The following GRID2 variants were observed in gnomAD, a reference collection of about 807,000 sequenced individuals.
GRID2 encodes the protein glutamate receptor ionotropic, delta-2.
In GRID2, 33 loss-of-function variants were observed where a neutral mutation model predicts 114.8. The ratio of observed to expected loss-of-function variants is 0.29; its 90% CI spans 0.22 to 0.38. The LOEUF (loss-of-function observed/expected upper bound fraction) is 0.38. GRID2 is among the 10% of genes least tolerant of loss of function. The pLI is 1.00. For missense variants in GRID2, 1,184 were observed against 1,257.7 expected, an observed-to-expected ratio of 0.94 and a Z score of 0.89; for synonymous variants, 505 against 449.9, an observed-to-expected ratio of 1.12 and a Z score of -1.55.
intron 2 of GRID2, among the ~76,000 whole-genome samples, chr4:92,913,851 C>A (rs1312555421): frequency 6.6e-6 from 1 of 151,938 alleles, no homozygotes; most frequent in African/African-American, 2.4e-5. Flanking sequence ...AAGGAAATTC[C>A]TCTTCCCTCA....
At chr4:93,308,121 A>G (rs560011442) in intron 8 of GRID2, among the ~76,000 whole-genome samples, 1 of 152,284 alleles carries the variant, frequency 6.6e-6, no homozygotes, top group East Asian at 1.9e-4. Context: ...AATAGCCATA[A>G]TAACAAAAAT....
chr4:93,130,864 A>G (rs1734732878), intron 4 of GRID2, among the ~76,000 whole-genome samples: 1 of 152,186 alleles, frequency 6.6e-6, no homozygotes, highest in Non-Finnish European at 1.5e-5. Flanking sequence ...AGTTGTAGAC[A>G]TCTTATAACT....
intron 11 of GRID2, among the ~76,000 whole-genome samples, chr4:93,459,180 CAAAAAAA>C (rs57937928): frequency 6.0e-5 from 3 of 50,028 alleles, no homozygotes; most frequent in Admixed American, 3.6e-4. Context: ...AACTCCATCT[CAAAAAAA>C]AAAAAAAAAA....
At position 92,617,335 on chromosome 4, in the gene GRID2, C is replaced by T. The variant is rs141587787; in HGVS notation, c.244+27049C>T. On this transcript the variant is annotated intron_variant, in intron 2 of 15. Transcript: ENST00000282020. ...AACCCGTCATCTAGCTTTTAAGCCC[C>T]GCATGTATTAGGTATTTGTCCTAAT... is the stretch of plus-strand genomic sequence containing the variant. Among the ~76,000 whole-genome samples the T allele has an allele frequency of 4.9e-3, 736 of 151,484 alleles. 8 individuals carry two copies. The highest frequency in any genetic ancestry group is 0.015 in the African/African-American group (638 of 41,392).
intron 8 of GRID2, among the ~76,000 whole-genome samples, chr4:93,306,827 ATGACT>A (rs1057399514): frequency 2.0e-4 from 30 of 152,288 alleles, no homozygotes; most frequent in South Asian, 1.4e-3. Flanking sequence ...TTCCAAACCA[ATGACT>A]TCTTGGTAAC....
intron 14 of GRID2, among the ~76,000 whole-genome samples, chr4:93,671,685 C>T (rs1255087461): frequency 6.6e-6 from 1 of 151,842 alleles, no homozygotes; most frequent in Non-Finnish European, 1.5e-5. Flanking sequence ...TAAAATGAAC[C>T]AGGTTGGGCG....
At chr4:93,727,175 A>C (rs551631304) in intron 14 of GRID2, among the ~76,000 whole-genome samples, 15 of 152,232 alleles carry the variant, frequency 9.9e-5, no homozygotes, top group African/African-American at 3.4e-4. Context: ...TACCTAATTT[A>C]TTGAGAGTTT....
intron 1 of GRID2, among the ~76,000 whole-genome samples, chr4:92,474,228 T>C (rs1324080976): frequency 1.3e-5 from 2 of 152,054 alleles, no homozygotes; most frequent in African/African-American, 4.8e-5. Context: ...TATATGAATT[T>C]GGATTTTTTA....
intron 2 of GRID2, among the ~76,000 whole-genome samples, chr4:92,794,793 A>G (rs1176091016): frequency 6.6e-6 from 1 of 150,544 alleles, no homozygotes; most frequent in Non-Finnish European, 1.5e-5. Context: ...AATTTTGACT[A>G]CACAAAAACT....
chr4:93,367,435 A>T (rs1193853198), intron 8 of GRID2, among the ~76,000 whole-genome samples: 1 of 152,168 alleles, frequency 6.6e-6, no homozygotes, highest in African/African-American at 2.4e-5. Context: ...TTTATTTTTT[A>T]AATGTAATTA....
chr4:93,093,693 G>C (rs1380678479), intron 3 of GRID2, among the ~76,000 whole-genome samples: 1 of 151,888 alleles, frequency 6.6e-6, no homozygotes. Context: ...TTCCCCCAGG[G>C]CTGGATAGGT....
rs148890473 is a variant in GRID2 at position 93,122,544 on chromosome 4, G to A, written c.735+11591G>A. Among the ~76,000 whole-genome samples, 609 of 152,140 alleles carry A rather than the reference G, an allele frequency of 4.0e-3. 7 individuals are homozygous for A. The highest frequency in any genetic ancestry group is 0.014 in the African/African-American group (588 of 41,508). On this transcript the variant is annotated intron_variant, in intron 4 of 15. Coordinates refer to ENST00000282020, the MANE Select transcript of GRID2 (RefSeq NM_001510.4). The stretch of plus-strand genomic sequence containing the variant: ...AATAAGAATCTTCCTGTGATCCCAG[G>A]ATCACAAAAGTTCGTGATGCTGGAT...
intron 1 of GRID2, among the ~76,000 whole-genome samples, chr4:92,365,561 A>G (rs1728822451): frequency 6.6e-6 from 1 of 152,002 alleles, no homozygotes; most frequent in Non-Finnish European, 1.5e-5. Context: ...GCTAGACAAG[A>G]AGAATAAAAT....
chr4:93,120,818 T>A (rs1733715601), intron 4 of GRID2, among the ~76,000 whole-genome samples: 1 of 151,966 alleles, frequency 6.6e-6, no homozygotes, highest in Non-Finnish European at 1.5e-5. Context: ...CCGGGCATGG[T>A]GGCGGGCACC....
intron 2 of GRID2, among the ~76,000 whole-genome samples, chr4:92,709,604 A>ATATC: frequency 1.4e-5 from 2 of 146,960 alleles, no homozygotes; most frequent in African/African-American, 5.0e-5. Context: ...ATATATATAT[A>ATATC]TATATGTAAT....
chr4:92,500,916 T>A (rs1723652890), intron 1 of GRID2, among the ~76,000 whole-genome samples: 1 of 152,170 alleles, frequency 6.6e-6, no homozygotes, highest in Non-Finnish European at 1.5e-5. Flanking sequence ...TTACCAGAGC[T>A]CCCTTTATTT....
chr4:93,498,268 G>C (rs1347774056), intron 12 of GRID2, among the ~76,000 whole-genome samples: 1 of 151,790 alleles, frequency 6.6e-6, no homozygotes, highest in Non-Finnish European at 1.5e-5. Context: ...TTTGACTGCT[G>C]TTCTATGTCC....
chr4:93,287,710 T>C (rs1443573872), intron 8 of GRID2, among the ~76,000 whole-genome samples: 1 of 152,222 alleles, frequency 6.6e-6, no homozygotes, highest in Non-Finnish European at 1.5e-5. Flanking sequence ...CAAATGGCTA[T>C]GTTAATATTT....
chr4:92,980,236 G>A (rs527401212), intron 2 of GRID2, among the ~76,000 whole-genome samples: 1 of 152,018 alleles, frequency 6.6e-6, no homozygotes, highest in South Asian at 2.1e-4. Flanking sequence ...GGAGAGTAGA[G>A]TTCCTTTTTA....
Sources: gnomAD v4.1 joint callset for allele counts (sites outside exome capture counted in the v4.1 genomes callset) on GRCh38, gnomAD v4.1.1 for gene constraint, MANE v1.5 for transcripts, NCBI Gene and HGNC (gene_info 2026-07-23, HGNC 2026-07-21) for gene names.